DIXDC1: variants seen among roughly 807,000 people sequenced by gnomAD.
The protein encoded by DIXDC1 is dixin.
Under a neutral mutation model 103.1 loss-of-function variants are expected in DIXDC1, and 64 were observed. That is an observed-to-expected ratio of 0.62 (90% CI 0.51 to 0.76). The LOEUF (loss-of-function observed/expected upper bound fraction) is 0.76. Among genes scored for constraint, DIXDC1 ranks in the 30% least tolerant of loss-of-function variants. The pLI is 0.00. For synonymous variants in DIXDC1, 266 were observed against 298.5 expected (o/e 0.89, Z 1.12); for missense variants, 759 against 834.2 (o/e 0.91, Z 1.11).
At chr11:112,018,862 TC>T in intron 19 of DIXDC1, 93 bp from the exon 20 acceptor site, 1 of 1,060,714 alleles carries the variant, frequency 9.4e-7, no homozygotes, top group Non-Finnish European at 1.4e-6. Flanking sequence ...AAGGCTTTCT[TC>T]TACATGGTTG....
chr11:111,991,030 G>A (rs1271149467), intron 10 of DIXDC1, among the ~76,000 whole-genome samples: 1 of 152,156 alleles, frequency 6.6e-6, no homozygotes, highest in Non-Finnish European at 1.5e-5. Flanking sequence ...TCACCCAAAT[G>A]GGAGTATATC....
chr11:111,932,393 A>G (rs111627090), upstream of DIXDC1, among the ~76,000 whole-genome samples: 28 of 151,942 alleles, frequency 1.8e-4, no homozygotes, highest in African/African-American at 6.3e-4. Flanking sequence ...AAAAAGAAAA[A>G]AAATCCATAA....
intron 15 of DIXDC1, 116 bp from the exon 16 acceptor site, chr11:111,995,287 A>G: frequency 7.0e-7 from 1 of 1,427,710 alleles, no homozygotes; most frequent in Non-Finnish European, 9.6e-7. Context: ...GGCAAACCAT[A>G]GGCCTGCTTC....
chr11:111,968,674 A>G (rs1555171808), intron 3 of DIXDC1, 36 bp downstream of exon 3: 1 of 1,590,606 alleles, frequency 6.3e-7, no homozygotes, highest in East Asian at 2.3e-5. Context: ...GCATGAGTAT[A>G]CTTTAACCAG....
intron 1 of DIXDC1, among the ~76,000 whole-genome samples, chr11:111,951,125 A>G (rs914239916): frequency 1.3e-5 from 2 of 152,384 alleles, no homozygotes; most frequent in East Asian, 3.9e-4. Flanking sequence ...ATTACAACAG[A>G]CTTTGCAGTC....
At chr11:111,939,687 A>G (rs1432682359) in intron 1 of DIXDC1, among the ~76,000 whole-genome samples, 2 of 152,164 alleles carry the variant, frequency 1.3e-5, no homozygotes, top group Non-Finnish European at 2.9e-5. Flanking sequence ...TTCACATTCT[A>G]TATTAAATAA....
At chr11:111,972,831 TC>T (rs2137530829) in intron 3 of DIXDC1, among the ~76,000 whole-genome samples, 1 of 151,152 alleles carries the variant, frequency 6.6e-6, no homozygotes, top group African/African-American at 2.4e-5. Flanking sequence ...CTGATCACAC[TC>T]CTGGTCACTT....
intron 17 of DIXDC1, among the ~76,000 whole-genome samples, chr11:112,001,629 A>G (rs1202041628): frequency 6.6e-6 from 1 of 152,218 alleles, no homozygotes; most frequent in Non-Finnish European, 1.5e-5. Context: ...ATCATAGTGC[A>G]GTCAACTAGC....
chr11:111,960,781 G>T (rs1219591978), intron 1 of DIXDC1, among the ~76,000 whole-genome samples: 1 of 151,984 alleles, frequency 6.6e-6, no homozygotes, highest in African/African-American at 2.4e-5. Flanking sequence ...AGTATTTTTT[G>T]AAAAGCTTTC....
At position 111,976,592 on chromosome 11, in the gene DIXDC1, C is replaced by T. The variant is rs1309842865; in HGVS notation, c.656+1609C>T. 6.6e-6 allele frequency among the ~76,000 whole-genome samples: 1 copy of T among 152,098 alleles called. No individual in the cohort carries two copies. Among genetic ancestry groups the T allele is most frequent in the African/African-American group, 2.4e-5 (1 of 41,398 alleles). ...GGCTATCTGGAACCCAGCAGGTTCC[C>T]GCACATTCTGAGCCCTCGCCCCCAG... On this transcript the variant is annotated intron_variant, in intron 5 of 19. Coordinates refer to ENST00000440460, the MANE Select transcript of DIXDC1 (RefSeq NM_001037954.4). The surrounding 1 kb of genome is among the most constrained non-coding windows in gnomAD (Gnocchi z 4.3).
At chr11:112,001,021 A>G (rs1427861974) in intron 17 of DIXDC1, among the ~76,000 whole-genome samples, 1 of 152,216 alleles carries the variant, frequency 6.6e-6, no homozygotes, top group Non-Finnish European at 1.5e-5. Context: ...CATATTCACA[A>G]TATTCGAAAG....
At chr11:111,980,072 A>T (rs1456544655) in intron 5 of DIXDC1, among the ~76,000 whole-genome samples, 1 of 152,162 alleles carries the variant, frequency 6.6e-6, no homozygotes, top group African/African-American at 2.4e-5. Flanking sequence ...GTAAACCCTT[A>T]CTCCACTATT....
At chr11:111,933,248 C>T (rs1966088011), upstream of DIXDC1, among the ~76,000 whole-genome samples, 1 of 152,168 alleles carries the variant, frequency 6.6e-6, no homozygotes. Context: ...TCTGCCTCAG[C>T]CTCCAGATTA....
Position 111,988,505 on chromosome 11 carries a change from T to C in DIXDC1, c.1063-500T>C, listed in dbSNP as rs75537097. Among the ~76,000 whole-genome samples, 552 of 152,330 alleles carry C rather than the reference T, an allele frequency of 3.6e-3. 2 individuals are homozygous for C. The highest frequency in any genetic ancestry group is 0.012 in the African/African-American group (512 of 41,572). The stretch of plus-strand genomic sequence containing the variant: ...GTAAGGGAATGTTAATTACTCAGTA[T>C]TTCATTATTAGGCTAAATGTGTTTT... On this transcript the variant is annotated intron_variant, in intron 9 of 19. Transcript: ENST00000440460.
intron 1 of DIXDC1, among the ~76,000 whole-genome samples, chr11:111,952,690 C>T (rs782820229): frequency 3.3e-5 from 5 of 151,820 alleles, no homozygotes; most frequent in South Asian, 2.1e-4. Flanking sequence ...TGTGGTGGTG[C>T]GTGCCTGTAA....
intron 17 of DIXDC1, among the ~76,000 whole-genome samples, chr11:112,011,346 A>G (rs1861414839): frequency 6.6e-6 from 1 of 152,240 alleles, no homozygotes; most frequent in Non-Finnish European, 1.5e-5. Flanking sequence ...ATGCTTTTAC[A>G]CTGTTGATGG....
At position 111,977,305 on chromosome 11, in the gene DIXDC1, AGGGATCCGGAAGGTGGCACGGAGT is replaced by A; in HGVS notation, c.656+2329_656+2352del. 2.0e-6 allele frequency: 2 copies of A among 1,021,764 alleles called. No homozygotes were observed. Among genetic ancestry groups the A allele is most frequent in the Non-Finnish European group, 2.4e-6 (2 of 848,434 alleles). 63.3% of individuals were successfully genotyped at this position (1,021,764 alleles called of 1,614,324 possible). ...GGAGGGAGCAGAGGGTGGGGCGGGG[AGGGATCCGGAAGGTGGCACGGAGT>A]GGGATCGCCGCTGGGGACTCGAGGC... On this transcript the variant is annotated intron_variant, in intron 5 of 19. Coordinates refer to ENST00000440460, the MANE Select transcript of DIXDC1 (RefSeq NM_001037954.4). This position sits in a 1 kb window ranked among gnomAD's most constrained non-coding sequence, Gnocchi z 6.1.
At chr11:111,952,319 T>G (rs1008569275) in intron 1 of DIXDC1, among the ~76,000 whole-genome samples, 16 of 152,166 alleles carry the variant, frequency 1.1e-4, no homozygotes, top group Non-Finnish European at 1.9e-4. Flanking sequence ...CAGTAAAAAT[T>G]CCAAGAAGCT....
chr11:111,928,935 T>A (rs1965925686), intron 1 of DIXDC1, among the ~76,000 whole-genome samples: 1 of 152,096 alleles, frequency 6.6e-6, no homozygotes. Flanking sequence ...CTCACGCCTG[T>A]AATCCTAGCA....
Sources: allele counts gnomAD v4.1 joint callset (sites outside exome capture counted in the v4.1 genomes callset), GRCh38; gene constraint gnomAD v4.1.1; non-coding constraint Gnocchi (gnomAD v3.1); transcripts MANE v1.5; gene names NCBI Gene and HGNC (gene_info 2026-07-23, HGNC 2026-07-21).